The following BLTP3A variants were observed in gnomAD, a reference collection of about 807,000 sequenced individuals.
The protein encoded by BLTP3A is ICBP90 binding protein 1.
At chr6:34,861,986 A>G in the BLTP3A span, among the ~76,000 whole-genome samples, 26 of 152,144 alleles carry the variant, frequency 1.7e-4, no homozygotes, top group African/African-American at 5.6e-4. Context: ...TCTGTTTCCC[A>G]TTTTACTCAG....
the BLTP3A span, among the ~76,000 whole-genome samples, chr6:34,826,173 C>T: frequency 6.6e-6 from 1 of 151,718 alleles, no homozygotes; most frequent in Non-Finnish European, 1.5e-5. Context: ...GGATTACACA[C>T]ACCAACACAC....
the BLTP3A span, among the ~76,000 whole-genome samples, chr6:34,797,949 A>G: frequency 6.6e-5 from 10 of 152,198 alleles, no homozygotes; most frequent in African/African-American, 2.2e-4. Context: ...CTCTGCTGCT[A>G]TAATGCCTCC....
chr6:34,816,920 T>C, the BLTP3A span, among the ~76,000 whole-genome samples: 1 of 152,242 alleles, frequency 6.6e-6, no homozygotes, highest in African/African-American at 2.4e-5. Flanking sequence ...TGAATTGATA[T>C]GGCTTCCCTG....
chr6:34,821,236 G>A, the BLTP3A span, among the ~76,000 whole-genome samples: 7 of 152,316 alleles, frequency 4.6e-5, no homozygotes, highest in East Asian at 3.9e-4. Context: ...GATTACAGGC[G>A]TGAGCCACTG....
the BLTP3A span, chr6:34,859,652 T>C: frequency 6.4e-7 from 1 of 1,556,582 alleles, no homozygotes. Flanking sequence ...TCTTACTATG[T>C]GCATTTCTAG....
chr6:34,804,976 G>A, the BLTP3A span, among the ~76,000 whole-genome samples: 1,167 of 152,136 alleles, frequency 7.7e-3, 21 homozygotes, highest in African/African-American at 0.026. Flanking sequence ...TACATCATGA[G>A]GTCATTGAGA....
the BLTP3A span, chr6:34,870,842 T>G: frequency 6.2e-7 from 1 of 1,612,266 alleles, no homozygotes; most frequent in Non-Finnish European, 8.5e-7. Flanking sequence ...TTCCTTGTCT[T>G]TCTTCACAAA....
chr6:34,856,908 G>A, the BLTP3A span: 1 of 1,613,790 alleles, frequency 6.2e-7, no homozygotes, highest in African/African-American at 1.3e-5. Context: ...TGGTACGGGT[G>A]GATGACCTGG....
chr6:34,850,107 C>G, the BLTP3A span, among the ~76,000 whole-genome samples: 1 of 151,092 alleles, frequency 6.6e-6, no homozygotes, highest in African/African-American at 2.4e-5. Flanking sequence ...CGTGCCACTG[C>G]ACTCCAGCCT....
the BLTP3A span, among the ~76,000 whole-genome samples, chr6:34,842,722 T>C: frequency 6.6e-6 from 1 of 152,156 alleles, no homozygotes; most frequent in East Asian, 1.9e-4. Context: ...GTTTATCTCA[T>C]TGAGCAGCAC....
chr6:34,851,624 G>A, the BLTP3A span, among the ~76,000 whole-genome samples: 3 of 152,162 alleles, frequency 2.0e-5, no homozygotes, highest in South Asian at 2.1e-4. Flanking sequence ...GGTGACCACT[G>A]CCTGGCTGCT....
At chr6:34,794,346 T>G in the BLTP3A span, among the ~76,000 whole-genome samples, 1 of 151,518 alleles carries the variant, frequency 6.6e-6, no homozygotes, top group African/African-American at 2.4e-5. Flanking sequence ...AATTAAAAAT[T>G]AAAGGTTATT....
chr6:34,834,559 C>T, the BLTP3A span, among the ~76,000 whole-genome samples: 1 of 152,144 alleles, frequency 6.6e-6, no homozygotes, highest in African/African-American at 2.4e-5. Context: ...ACTGCTACAT[C>T]CTTTCCTCAA....
the BLTP3A span, among the ~76,000 whole-genome samples, chr6:34,804,368 T>C: frequency 6.6e-6 from 1 of 152,214 alleles, no homozygotes; most frequent in South Asian, 2.1e-4. Flanking sequence ...TGCCAAGCAG[T>C]AGGAACTCAA....
the BLTP3A span, chr6:34,823,214 T>A: frequency 9.4e-6 from 14 of 1,495,838 alleles, no homozygotes; most frequent in Non-Finnish European, 1.2e-5. Context: ...GTGCTGTGTG[T>A]GTATTTGTGT....
the BLTP3A span, chr6:34,834,781 A>G: frequency 1.9e-6 from 3 of 1,614,224 alleles, no homozygotes; most frequent in Non-Finnish European, 2.5e-6. Context: ...TGCTACAGAC[A>G]ATGGTGATCA....
the BLTP3A span, among the ~76,000 whole-genome samples, chr6:34,866,035 A>G: frequency 2.6e-5 from 4 of 152,148 alleles, no homozygotes; most frequent in Non-Finnish European, 5.9e-5. Flanking sequence ...AAAGTTCTGA[A>G]AAATCTCCTG....
chr6:34,807,401 C>T, the BLTP3A span, among the ~76,000 whole-genome samples: 1 of 152,194 alleles, frequency 6.6e-6, no homozygotes, highest in East Asian at 1.9e-4. Flanking sequence ...GTGTGAGCCA[C>T]TGCGCCTGGC....
At chr6:34,793,066 G>A in the BLTP3A span, among the ~76,000 whole-genome samples, 1 of 152,052 alleles carries the variant, frequency 6.6e-6, no homozygotes, top group Non-Finnish European at 1.5e-5. Context: ...AGGTTTTTTT[G>A]ACAGCCTGTG....
Sources: gnomAD v4.1 joint callset for allele counts (sites outside exome capture counted in the v4.1 genomes callset) on GRCh38, gnomAD v4.1.1 for gene constraint, MANE v1.5 for transcripts, NCBI Gene and HGNC (gene_info 2026-07-23, HGNC 2026-07-21) for gene names.